The following MICU2 variants were observed in gnomAD, a reference collection of about 807,000 sequenced individuals.
The protein encoded by MICU2 is calcium uptake protein 2, mitochondrial.
MICU2 carries 64 observed loss-of-function variants against 60.4 expected under a neutral mutation model. That is an observed-to-expected ratio of 1.06 (90% CI 0.87 to 1.31). The LOEUF is 1.31. Among genes scored for constraint, MICU2 ranks in the 50% most tolerant of loss-of-function variants. The probability of loss-of-function intolerance (pLI) is 0.00; values close to 1 mark genes in which losing one functional copy is unlikely to be tolerated. For synonymous variants in MICU2, 201 were observed against 175.0 expected (o/e 1.15, Z -1.17); for missense variants, 569 against 531.0 (o/e 1.07, Z -0.70).
At chr13:21,528,740 A>G (rs1282823903) in intron 4 of MICU2, among the ~76,000 whole-genome samples, 1 of 152,240 alleles carries the variant, frequency 6.6e-6, no homozygotes, top group Non-Finnish European at 1.5e-5. Context: ...TGACACATAA[A>G]CCAGCAATTA....
At chr13:21,548,575 T>G (rs1027487674) in intron 2 of MICU2, among the ~76,000 whole-genome samples, 1 of 152,216 alleles carries the variant, frequency 6.6e-6, no homozygotes, top group Non-Finnish European at 1.5e-5. Context: ...CACTATTATT[T>G]TATAGATCTG....
intron 4 of MICU2, chr13:21,531,063 C>A: frequency 2.0e-6 from 2 of 1,000,488 alleles, no homozygotes; most frequent in Non-Finnish European, 3.2e-6. Flanking sequence ...TTCCAAATAT[C>A]CTAATCTGTT....
At chr13:21,541,711 T>C (rs1887286991) in intron 2 of MICU2, among the ~76,000 whole-genome samples, 1 of 152,174 alleles carries the variant, frequency 6.6e-6, no homozygotes. Context: ...TGTTAGACTC[T>C]TTGAATTCCA....
intron 2 of MICU2, among the ~76,000 whole-genome samples, chr13:21,549,027 A>G (rs764284297): frequency 9.5e-5 from 14 of 146,780 alleles, no homozygotes; most frequent in South Asian, 4.2e-4. Flanking sequence ...CCTGGGTTAC[A>G]CCATTCTCCT....
intron 4 of MICU2, among the ~76,000 whole-genome samples, chr13:21,531,706 A>G (rs1423268306): frequency 6.6e-6 from 1 of 152,216 alleles, no homozygotes; most frequent in African/African-American, 2.4e-5. Context: ...AGTTTGGTTC[A>G]GTAAGCAGGG....
intron 1 of MICU2, among the ~76,000 whole-genome samples, chr13:21,596,448 G>C (rs538014055): frequency 6.6e-6 from 1 of 150,448 alleles, no homozygotes; most frequent in East Asian, 2.0e-4. Context: ...TTTTGAGACA[G>C]AGTCTGGCTC....
At chr13:21,498,992 C>T (rs1211832490) in intron 9 of MICU2, among the ~76,000 whole-genome samples, 1 of 152,062 alleles carries the variant, frequency 6.6e-6, no homozygotes, top group Non-Finnish European at 1.5e-5. Context: ...GCTGTGTTGC[C>T]CAGTCTGGAG....
At chr13:21,536,039 A>T (rs1007960869) in intron 4 of MICU2, among the ~76,000 whole-genome samples, 5 of 152,104 alleles carry the variant, frequency 3.3e-5, no homozygotes, top group African/African-American at 9.7e-5. Context: ...CACTATAAAA[A>T]ATTTAGGAGC....
chr13:21,521,959 T>A (rs899464744), intron 5 of MICU2, among the ~76,000 whole-genome samples: 1 of 152,188 alleles, frequency 6.6e-6, no homozygotes, highest in Non-Finnish European at 1.5e-5. Context: ...TAATTTTTTT[T>A]GTAGAGATGG....
chr13:21,551,706 C>T (rs867214199), intron 2 of MICU2, among the ~76,000 whole-genome samples: 12 of 150,622 alleles, frequency 8.0e-5, no homozygotes, highest in African/African-American at 2.2e-4. Context: ...TTAGTCCTTG[C>T]GATAGTTTGC....
intron 6 of MICU2, among the ~76,000 whole-genome samples, chr13:21,514,698 ATT>A (rs71202422): frequency 1.2e-4 from 17 of 141,154 alleles, no homozygotes; most frequent in Non-Finnish European, 1.1e-4. Flanking sequence ...ACTCCCGTTA[ATT>A]TTTTTTTTTT....
chr13:21,597,432 T>A (rs978861880), intron 1 of MICU2, among the ~76,000 whole-genome samples: 1 of 152,226 alleles, frequency 6.6e-6, no homozygotes, highest in African/African-American at 2.4e-5. Context: ...ATTGGTTGTC[T>A]AATATTTCTA....
At chr13:21,555,369 C>T (rs1052973900) in intron 2 of MICU2, among the ~76,000 whole-genome samples, 3 of 152,020 alleles carry the variant, frequency 2.0e-5, no homozygotes, top group East Asian at 1.9e-4. Flanking sequence ...GTTCAACATA[C>T]GAAAATCAAT....
rs1264543059 is a variant in MICU2, at chr13:21,531,789, T to C, written c.466+7513A>G. Among the ~76,000 whole-genome samples, 6 of 152,036 alleles carry C rather than the reference T, an allele frequency of 3.9e-5. No individual in the cohort carries two copies. The East Asian group carries it at 1.2e-3, about 29-fold the overall frequency. On this transcript the variant is annotated intron_variant, in intron 4 of 11. Coordinates refer to ENST00000382374, the MANE Select transcript of MICU2 (RefSeq NM_152726.3). ...TCTTGCTATCACTGTAGCCAACTAA[T>C]GCCAAAAAAACGGTTTTGTAATAAA...
chr13:21,508,663 T>A (rs910968867), intron 8 of MICU2, among the ~76,000 whole-genome samples: 1 of 152,162 alleles, frequency 6.6e-6, no homozygotes, highest in Non-Finnish European at 1.5e-5. Context: ...GCTTCCTACT[T>A]TATCAACTCT....
intron 2 of MICU2, among the ~76,000 whole-genome samples, chr13:21,541,145 A>C (rs1456670378): frequency 6.6e-6 from 1 of 152,118 alleles, no homozygotes; most frequent in Non-Finnish European, 1.5e-5. Context: ...CAAGAATTTA[A>C]GGTAGCAAAA....
At position 21,510,107 on chromosome 13, in the gene MICU2, A is replaced by G; in HGVS notation, c.664-6T>C. 7.3e-7 allele frequency: 1 copy of G among 1,371,560 alleles called. No individual in the cohort carries two copies. The highest frequency in any genetic ancestry group is 9.7e-7 in the Non-Finnish European group (1 of 1,033,128). 85.0% of individuals were successfully genotyped at this position (1,371,560 alleles called of 1,614,324 possible). A position where few individuals can be genotyped will look rare whatever the true frequency, so the allele number is the denominator to read the frequency against. On this transcript the variant is annotated splice_polypyrimidine_tract_variant and splice_region_variant and intron_variant, in intron 7 of 11. Coordinates refer to ENST00000382374, the MANE Select transcript of MICU2 (RefSeq NM_152726.3). ...GGTTCTTTCACTATTGCTTCCTATT[A>G]AAAAAATCACAATAATTTAAAATAA...
chr13:21,577,574 G>A (rs1459616204), intron 1 of MICU2, among the ~76,000 whole-genome samples: 2 of 152,052 alleles, frequency 1.3e-5, no homozygotes, highest in Admixed American at 6.6e-5. Flanking sequence ...TTGGGAGGCC[G>A]ATGTGGGTGG....
At chr13:21,567,075 C>T in intron 1 of MICU2, 131 bp from the exon 2 acceptor site, 1 of 722,360 alleles carries the variant, frequency 1.4e-6, no homozygotes, top group South Asian at 2.3e-5. Flanking sequence ...ATTCATTTAA[C>T]AAATATTAAC....
Sources: allele counts gnomAD v4.1 joint callset (sites outside exome capture counted in the v4.1 genomes callset), GRCh38; gene constraint gnomAD v4.1.1; transcripts MANE v1.5; gene names NCBI Gene and HGNC (gene_info 2026-07-23, HGNC 2026-07-21).